Variants in ZDHHC17 observed in about 807,000 individuals in gnomAD.
The protein encoded by ZDHHC17 is palmitoyltransferase ZDHHC17.
A neutral mutation model predicts 90.3 loss-of-function variants in ZDHHC17; 40 were observed. That is an observed-to-expected ratio of 0.44 (90% CI 0.34 to 0.58). The LOEUF (loss-of-function observed/expected upper bound fraction) is 0.58. Among genes scored for constraint, ZDHHC17 ranks in the 20% least tolerant of loss-of-function variants. The pLI is 0.01. For missense variants in ZDHHC17, 614 were observed against 780.8 expected, an observed-to-expected ratio of 0.79 and a Z score of 2.55; for synonymous variants, 235 against 252.4, an observed-to-expected ratio of 0.93 and a Z score of 0.65.
At chr12:76,835,174 C>G (rs1007259527) in intron 10 of ZDHHC17, among the ~76,000 whole-genome samples, 1 of 151,874 alleles carries the variant, frequency 6.6e-6, no homozygotes, top group Admixed American at 6.6e-5. Context: ...CTTCAGCCTC[C>G]TAAGTAGTTG....
At chr12:76,769,034 T>C (rs781056749) in intron 1 of ZDHHC17, 129 of 411,070 alleles carry the variant, frequency 3.1e-4, no homozygotes, top group South Asian at 2.2e-3. Flanking sequence ...ACAGATTTCA[T>C]AAAATCTACT....
chr12:76,826,092 TAAAGGCATGAGCCA>T (rs1326522001), intron 8 of ZDHHC17, among the ~76,000 whole-genome samples: 3 of 152,172 alleles, frequency 2.0e-5, no homozygotes, highest in Non-Finnish European at 4.4e-5. Flanking sequence ...GTGTTGGGAT[TAAAGGCATGAGCCA>T]CCATGCCCTG....
In ZDHHC17 at chr12:76,791,517, G is replaced by A. The variant is rs142953346; in HGVS notation, c.94-5917G>A. 6.7e-4 allele frequency among the ~76,000 whole-genome samples: 102 copies of A among 152,110 alleles called. 1 individual carries two copies. Among genetic ancestry groups the A allele is most frequent in the African/African-American group, 2.1e-3 (87 of 41,494 alleles). Reference sequence around the variant, plus strand: ...GTTTTATTTTGTTTTAAGAAGGTTCGTTAGTATTAGGTAGAATTTAGAAAT... The same window carrying A: ...GTTTTATTTTGTTTTAAGAAGGTTCATTAGTATTAGGTAGAATTTAGAAAT... On this transcript the variant is annotated intron_variant, in intron 1 of 16. Transcript: ENST00000426126.
intron 11 of ZDHHC17, among the ~76,000 whole-genome samples, chr12:76,842,567 A>G (rs1609486): frequency 0.014 from 2,121 of 152,284 alleles, 47 homozygotes; most frequent in African/African-American, 0.048. Context: ...TAATCTAACA[A>G]TGTTGTGTAT....
intron 10 of ZDHHC17, among the ~76,000 whole-genome samples, chr12:76,833,305 A>C (rs1953326668): frequency 6.6e-6 from 1 of 152,186 alleles, no homozygotes; most frequent in African/African-American, 2.4e-5. Context: ...GGAAAGACTG[A>C]GGCTCTGAGA....
At chr12:76,769,437 G>C (rs938487704) in intron 1 of ZDHHC17, among the ~76,000 whole-genome samples, 3 of 152,082 alleles carry the variant, frequency 2.0e-5, no homozygotes, top group Admixed American at 6.6e-5. Context: ...TTATATGTGT[G>C]TGTGTATATA....
In ZDHHC17 at chr12:76,822,450, G is replaced by C; in HGVS notation, c.816G>C (p.Trp272Cys). 1 of 1,613,758 alleles carries C rather than the reference G, an allele frequency of 6.2e-7. No individual in the cohort carries two copies. Among genetic ancestry groups the C allele is most frequent in the Non-Finnish European group, 8.5e-7 (1 of 1,179,834 alleles). Reference sequence around the variant, plus strand: ...TGGCAAAACAGAGAAAAAATGTGTGGATGATCAACCACTTACAAGAGGCAA... The same window carrying C: ...TGGCAAAACAGAGAAAAAATGTGTGCATGATCAACCACTTACAAGAGGCAA... The part of the protein sequence containing the change: ...LDLAKQRKNV[W>C]MINHLQEARQ... The change falls in exon 8 of 17, where the codon TGG (tryptophan) becomes TGC (cysteine). Residue 272 changes from tryptophan to cysteine, a missense_variant. This residue lies in a region of ZDHHC17 where 358 missense variants were observed against 380.4 expected (regional missense o/e 0.94). Transcript: ENST00000426126.
chr12:76,774,121 A>C (rs1312933560), intron 1 of ZDHHC17, among the ~76,000 whole-genome samples: 1 of 151,920 alleles, frequency 6.6e-6, no homozygotes, highest in Non-Finnish European at 1.5e-5. Flanking sequence ...GTGGTGATGC[A>C]TGCCTGTAGT....
chr12:76,808,022 CATG>C (rs1952975131), intron 3 of ZDHHC17, among the ~76,000 whole-genome samples: 1 of 152,096 alleles, frequency 6.6e-6, no homozygotes, highest in Non-Finnish European at 1.5e-5. Flanking sequence ...AACCATTTTG[CATG>C]ATAGAGTGGA....
chr12:76,842,160 T>G, intron 11 of ZDHHC17, 54 bp downstream of exon 11: 1 of 1,486,540 alleles, frequency 6.7e-7, no homozygotes, highest in Non-Finnish European at 8.9e-7. Flanking sequence ...TATCAGTATT[T>G]ACAGCAGACA....
At chr12:76,847,960 A>G (rs1953514585) in intron 14 of ZDHHC17, among the ~76,000 whole-genome samples, 1 of 152,248 alleles carries the variant, frequency 6.6e-6, no homozygotes, top group South Asian at 2.1e-4. Context: ...ATGTTTTTCT[A>G]AGTATTATGT....
intron 2 of ZDHHC17, among the ~76,000 whole-genome samples, chr12:76,800,789 G>T (rs1457534936): frequency 6.6e-6 from 1 of 151,240 alleles, no homozygotes; most frequent in African/African-American, 2.4e-5. Context: ...TTTTACCCCA[G>T]TCTGTTCTGC....
chr12:76,766,586 A>G (rs1205801073), intron 1 of ZDHHC17, among the ~76,000 whole-genome samples: 2 of 152,240 alleles, frequency 1.3e-5, no homozygotes, highest in Non-Finnish European at 2.9e-5. Flanking sequence ...GTAATGAAAT[A>G]ATAGTACTTT....
At chr12:76,825,484 G>GAGT (rs1953220223) in intron 8 of ZDHHC17, among the ~76,000 whole-genome samples, 1 of 152,000 alleles carries the variant, frequency 6.6e-6, no homozygotes, top group Non-Finnish European at 1.5e-5. Flanking sequence ...TCTGTCTCCT[G>GAGT]AGTAGTAAAT....
chr12:76,801,311 T>A (rs1952886496), intron 2 of ZDHHC17, among the ~76,000 whole-genome samples: 1 of 152,052 alleles, frequency 6.6e-6, no homozygotes, highest in Non-Finnish European at 1.5e-5. Context: ...CTTTCGTGTA[T>A]GTCCTATAGC....
At position 76,815,225 on chromosome 12, in the gene ZDHHC17, TAA is replaced by T. The variant is rs769784560; in HGVS notation, c.608+20_608+21del. On this transcript the variant is annotated intron_variant, in intron 6 of 16. Transcript: ENST00000426126. ...AGAACACATAGGTATGTAATGACTA[TAA>T]AAAACTTATTTAGGCCATTTCAGCA... 2.6e-6 allele frequency: 4 copies of T among 1,533,128 alleles called. No individual in the cohort carries two copies. In the African/African-American group the frequency reaches 5.5e-5, roughly 21 times the overall value. 95.0% of individuals were successfully genotyped at this position (1,533,128 alleles called of 1,614,324 possible).
chr12:76,815,750 A>G (rs1953079409), intron 6 of ZDHHC17, 107 bp from the exon 7 acceptor site: 3 of 1,231,302 alleles, frequency 2.4e-6, no homozygotes, highest in Non-Finnish European at 3.2e-6. Context: ...GAAGTGTTCC[A>G]AAATGGAATG....
rs143210008 is a variant in ZDHHC17 at position 76,805,558 on chromosome 12, T to C, written c.320+119T>C. Reference sequence around the variant, plus strand: ...AAATTCATGGCTTTTAGAAGATAGATTCTGTGTACCTTGTTTTTCTGAAAA... The same window carrying C: ...AAATTCATGGCTTTTAGAAGATAGACTCTGTGTACCTTGTTTTTCTGAAAA... On this transcript the variant is annotated intron_variant, in intron 3 of 16. Transcript: ENST00000426126. 3.2e-4 allele frequency: 303 copies of C among 933,960 alleles called. 1 individual carries two copies. The African/African-American group carries it at 4.4e-3, about 14-fold the overall frequency. 57.9% of individuals were successfully genotyped at this position (933,960 alleles called of 1,614,324 possible). A position where few individuals can be genotyped will look rare whatever the true frequency, so the allele number is the denominator to read the frequency against.
intron 7 of ZDHHC17, among the ~76,000 whole-genome samples, chr12:76,820,658 T>C (rs1298670515): frequency 6.6e-6 from 1 of 152,192 alleles, no homozygotes; most frequent in East Asian, 1.9e-4. Context: ...GTATTACCTC[T>C]TAAATACCTG....
Sources: gnomAD v4.1 joint callset for allele counts (sites outside exome capture counted in the v4.1 genomes callset) on GRCh38, gnomAD v4.1.1 for gene constraint, gnomAD v4.1.1 regional missense constraint, MANE v1.5 for transcripts, NCBI Gene and HGNC (gene_info 2026-07-23, HGNC 2026-07-21) for gene names.